The following DSCAM variants were observed in gnomAD, a reference collection of about 807,000 sequenced individuals.
DSCAM encodes the protein DS cell adhesion molecule.
In DSCAM, 47 loss-of-function variants were observed where a neutral mutation model predicts 217.7. The ratio of observed to expected loss-of-function variants is 0.22; its 90% CI spans 0.17 to 0.28. DSCAM has a LOEUF of 0.28. Ranked by LOEUF, DSCAM falls within the 10% of genes least tolerant of loss-of-function variation. The pLI is 1.00. For synonymous variants in DSCAM, 1,056 were observed against 1,015.3 expected, an observed-to-expected ratio of 1.04 and a Z score of -0.76; for missense variants, 2,080 against 2,618.3, an observed-to-expected ratio of 0.79 and a Z score of 4.49.
chr21:40,728,758 C>T (rs1467874578), intron 1 of DSCAM, among the ~76,000 whole-genome samples: 5 of 152,210 alleles, frequency 3.3e-5, no homozygotes, highest in Admixed American at 6.5e-5. Context: ...TCCATTTGCA[C>T]AGCACCTTAG....
chr21:40,319,666 T>G (rs1310328380), intron 8 of DSCAM, among the ~76,000 whole-genome samples: 1 of 152,192 alleles, frequency 6.6e-6, no homozygotes, highest in Non-Finnish European at 1.5e-5. Context: ...TCCTATCATG[T>G]CTACACTAAT....
chr21:40,184,560 C>A (rs942275342), intron 14 of DSCAM, among the ~76,000 whole-genome samples: 13 of 152,256 alleles, frequency 8.5e-5, no homozygotes, highest in South Asian at 2.1e-4. Flanking sequence ...AAAGAGTATC[C>A]CTCAATCCCG....
At chr21:40,441,565 T>C (rs2075630768) in intron 3 of DSCAM, among the ~76,000 whole-genome samples, 1 of 152,182 alleles carries the variant, frequency 6.6e-6, no homozygotes. Flanking sequence ...CCCTTCAAAT[T>C]GGCTACCTCT....
At chr21:40,020,484 C>A (rs751502962) in intron 32 of DSCAM, among the ~76,000 whole-genome samples, 2 of 151,558 alleles carry the variant, frequency 1.3e-5, no homozygotes, top group Non-Finnish European at 2.9e-5. Context: ...AATAAGACAG[C>A]AAGCAGGGCA....
chr21:40,376,107 T>C (rs960920179), intron 3 of DSCAM, among the ~76,000 whole-genome samples: 3 of 152,162 alleles, frequency 2.0e-5, no homozygotes, highest in Non-Finnish European at 4.4e-5. Flanking sequence ...GTTTTTCCTA[T>C]TGCAGTCTAT....
intron 4 of DSCAM, among the ~76,000 whole-genome samples, chr21:40,362,560 G>C (rs1462840821): frequency 2.0e-5 from 3 of 152,146 alleles, no homozygotes; most frequent in Non-Finnish European, 2.9e-5. Context: ...ATTTTGCTAA[G>C]GTTGAAAATG....
intron 2 of DSCAM, among the ~76,000 whole-genome samples, chr21:40,697,297 C>T (rs1449377743): frequency 6.6e-6 from 1 of 152,158 alleles, no homozygotes; most frequent in African/African-American, 2.4e-5. Context: ...TTCAACTTTG[C>T]TGATTTTTAT....
chr21:40,112,952 A>G (rs924254640), intron 20 of DSCAM, among the ~76,000 whole-genome samples: 1 of 152,270 alleles, frequency 6.6e-6, no homozygotes. Context: ...AAAGTCCAGG[A>G]CCAGATGGAT....
intron 26 of DSCAM, among the ~76,000 whole-genome samples, chr21:40,078,032 C>G (rs2089393939): frequency 6.6e-6 from 1 of 152,184 alleles, no homozygotes; most frequent in African/African-American, 2.4e-5. Context: ...GTTCAGTTAG[C>G]AATAAATGGC....
intron 18 of DSCAM, among the ~76,000 whole-genome samples, chr21:40,136,832 C>A (rs2090214498): frequency 6.6e-6 from 1 of 151,978 alleles, no homozygotes; most frequent in Non-Finnish European, 1.5e-5. Context: ...GAAGAGGAGC[C>A]TGGTGGGGAG....
chr21:40,577,894 T>G (rs1568917361), intron 3 of DSCAM, among the ~76,000 whole-genome samples: 1 of 152,126 alleles, frequency 6.6e-6, no homozygotes, highest in Non-Finnish European at 1.5e-5. Context: ...CAGTATCTTA[T>G]CAGTTAATTG....
chr21:40,841,191 C>T (rs1250823239), intron 1 of DSCAM, among the ~76,000 whole-genome samples: 1 of 152,158 alleles, frequency 6.6e-6, no homozygotes, highest in African/African-American at 2.4e-5. Flanking sequence ...CCCTTCTGAA[C>T]GTCCTGGTCA....
chr21:40,483,425 T>C (rs2075999182), intron 3 of DSCAM, among the ~76,000 whole-genome samples: 1 of 152,222 alleles, frequency 6.6e-6, no homozygotes, highest in South Asian at 2.1e-4. Context: ...TTTATTTAAG[T>C]TGGCTTGGTT....
intron 3 of DSCAM, among the ~76,000 whole-genome samples, chr21:40,676,921 C>T (rs1373035772): frequency 2.6e-5 from 4 of 152,102 alleles, no homozygotes; most frequent in African/African-American, 7.2e-5. Context: ...GGCTCTCCAC[C>T]GAGGGATTCA....
chr21:40,833,774 GA>G (rs1051757480), intron 1 of DSCAM, among the ~76,000 whole-genome samples: 35 of 152,092 alleles, frequency 2.3e-4, no homozygotes, highest in Non-Finnish European at 3.7e-4. Context: ...AAAATCCATG[GA>G]AAAAACGCAG....
chr21:40,484,943 G>A (rs2076012537), intron 3 of DSCAM, among the ~76,000 whole-genome samples: 1 of 152,158 alleles, frequency 6.6e-6, no homozygotes, highest in Non-Finnish European at 1.5e-5. Flanking sequence ...GCTCTGTCAT[G>A]GAGGTCACCT....
intron 11 of DSCAM, among the ~76,000 whole-genome samples, chr21:40,246,785 G>A (rs1051415766): frequency 2.0e-5 from 3 of 152,186 alleles, no homozygotes; most frequent in Non-Finnish European, 4.4e-5. Flanking sequence ...GACTTTCAAT[G>A]TGGAGACTGA....
At chr21:40,579,050 T>G (rs1487643608) in intron 3 of DSCAM, among the ~76,000 whole-genome samples, 1 of 152,144 alleles carries the variant, frequency 6.6e-6, no homozygotes, top group Non-Finnish European at 1.5e-5. Context: ...TTAGCACATT[T>G]GTAACGACAG....
chr21:40,412,777 G>A lies in DSCAM; in HGVS notation c.509-43532C>T, dbSNP rs545199811. 4.6e-5 allele frequency among the ~76,000 whole-genome samples: 7 copies of A among 152,310 alleles called. No individual in the cohort carries two copies. In the South Asian group the frequency reaches 1.4e-3, roughly 32 times the overall value. On this transcript the variant is annotated intron_variant, in intron 3 of 32. Coordinates refer to ENST00000400454, the MANE Select transcript of DSCAM (RefSeq NM_001389.5). ...CTGCAGAAATTTGAATAAGTAACTA[G>A]GAGCCAAATGTTAATCCCCAAGACA...
Sources: allele counts gnomAD v4.1 joint callset (sites outside exome capture counted in the v4.1 genomes callset), GRCh38; gene constraint gnomAD v4.1.1; transcripts MANE v1.5; gene names NCBI Gene and HGNC (gene_info 2026-07-23, HGNC 2026-07-21).